The following TMEM272 variants were observed in gnomAD, a reference collection of about 807,000 sequenced individuals.
The protein encoded by TMEM272 is transmembrane protein 272.
TMEM272 carries 8 observed loss-of-function variants against 3.7 expected under a neutral mutation model. The ratio of observed to expected loss-of-function variants is 2.17; its 90% CI spans 1.27 to 3.91. The LOEUF (loss-of-function observed/expected upper bound fraction) is 3.91. Among genes scored for constraint, TMEM272 ranks in the 30% most tolerant of loss-of-function variants. The pLI, the probability that TMEM272 is intolerant of heterozygous loss-of-function variation, is 0.00. For missense variants in TMEM272, 166 were observed against 91.5 expected (o/e 1.81, Z -3.32); for synonymous variants, 63 against 39.8 (o/e 1.58, Z -2.20).
At chr13:51,854,401 GA>G in the TMEM272 span, among the ~76,000 whole-genome samples, 1 of 152,174 alleles carries the variant, frequency 6.6e-6, no homozygotes, top group Non-Finnish European at 1.5e-5. Flanking sequence ...CTGGGTACTT[GA>G]AACCTTTCCT....
chr13:51,869,192 T>C, the TMEM272 span, among the ~76,000 whole-genome samples: 25 of 152,214 alleles, frequency 1.6e-4, no homozygotes, highest in African/African-American at 4.8e-4. Context: ...GAAGAGACTT[T>C]GGCTGTGGTA....
At chr13:51,899,553 GT>G in the TMEM272 span, among the ~76,000 whole-genome samples, 3 of 7,738 alleles carry the variant, frequency 3.9e-4, no homozygotes, top group East Asian at 0.025. Context: ...GAAGACTTAA[GT>G]ATTAAGACGG....
chr13:51,880,454 G>C, the TMEM272 span, among the ~76,000 whole-genome samples: 5 of 150,022 alleles, frequency 3.3e-5, no homozygotes, highest in Non-Finnish European at 7.4e-5. Context: ...AAACCTGATT[G>C]GGAAAACCAA....
upstream of TMEM272, among the ~76,000 whole-genome samples, chr13:51,848,364 A>G (rs1265731641): frequency 6.6e-6 from 1 of 152,182 alleles, no homozygotes; most frequent in Non-Finnish European, 1.5e-5. Context: ...GATAGAGTCC[A>G]CATATGGCAC....
chr13:51,817,303 A>G (rs1439317158), intron 4 of TMEM272, among the ~76,000 whole-genome samples, 190 bp from the exon 5 acceptor site: 1 of 152,246 alleles, frequency 6.6e-6, no homozygotes, highest in East Asian at 1.9e-4. Flanking sequence ...AATTTGAAGA[A>G]TAAGAATTAA....
chr13:51,881,935 G>A, the TMEM272 span, among the ~76,000 whole-genome samples: 6 of 152,246 alleles, frequency 3.9e-5, no homozygotes, highest in East Asian at 9.6e-4. Context: ...GAGGACATGA[G>A]GTGTTGGTAA....
At chr13:51,871,984 A>C in the TMEM272 span, among the ~76,000 whole-genome samples, 1 of 152,152 alleles carries the variant, frequency 6.6e-6, no homozygotes, top group African/African-American at 2.4e-5. Context: ...ATAGGCCTAG[A>C]AGTGCTAATT....
At chr13:51,846,605 C>T (rs987172537), upstream of TMEM272, among the ~76,000 whole-genome samples, 6 of 152,144 alleles carry the variant, frequency 3.9e-5, no homozygotes, top group Non-Finnish European at 7.3e-5. Flanking sequence ...GTAAAAATGC[C>T]TCAGGCAGGT....
the TMEM272 span, among the ~76,000 whole-genome samples, chr13:51,885,501 T>G: frequency 6.6e-6 from 1 of 152,170 alleles, no homozygotes; most frequent in Admixed American, 6.5e-5. Context: ...TGGGGTAAAC[T>G]GCCCCCATGA....
the TMEM272 span, chr13:51,865,685 G>A: frequency 1.2e-6 from 2 of 1,614,074 alleles, no homozygotes; most frequent in Admixed American, 1.7e-5. Context: ...CTTCTGGAAA[G>A]AGGAAAAATC....
chr13:51,871,785 T>TACACACACACACAC, the TMEM272 span, among the ~76,000 whole-genome samples: 7 of 129,680 alleles, frequency 5.4e-5, no homozygotes, highest in East Asian at 4.6e-4. Context: ...AATCTCCCCC[T>TACACACACACACAC]ACACACACAC....
chr13:51,841,469 G>A (rs771721213), intron 1 of TMEM272, among the ~76,000 whole-genome samples: 1 of 152,170 alleles, frequency 6.6e-6, no homozygotes, highest in Admixed American at 6.5e-5. Flanking sequence ...AGAAACTAAC[G>A]AGATGGGTCT....
chr13:51,915,316 A>G, the TMEM272 span, among the ~76,000 whole-genome samples: 4 of 152,366 alleles, frequency 2.6e-5, no homozygotes, highest in Admixed American at 1.3e-4. Flanking sequence ...CATTAGATAC[A>G]GCACTACTAT....
the TMEM272 span, among the ~76,000 whole-genome samples, chr13:51,916,209 C>T: frequency 6.6e-6 from 1 of 152,230 alleles, no homozygotes; most frequent in Non-Finnish European, 1.5e-5. Flanking sequence ...TTGCAAAACA[C>T]ATGACCAAGA....
At chr13:51,880,506 T>G in the TMEM272 span, among the ~76,000 whole-genome samples, 1 of 147,636 alleles carries the variant, frequency 6.8e-6, no homozygotes, top group African/African-American at 2.5e-5. Flanking sequence ...ATTTTTTTTT[T>G]AGTCACACTG....
the TMEM272 span, among the ~76,000 whole-genome samples, chr13:51,902,721 C>T: frequency 1.4e-4 from 21 of 152,210 alleles, no homozygotes; most frequent in African/African-American, 5.1e-4. Context: ...CCTGAGAAAC[C>T]CAAACGGGAA....
At chr13:51,877,973 G>C in the TMEM272 span, among the ~76,000 whole-genome samples, 1 of 152,204 alleles carries the variant, frequency 6.6e-6, no homozygotes, top group Non-Finnish European at 1.5e-5. Context: ...AAATACGTGA[G>C]ACTGGATAAT....
At chr13:51,910,031 A>G in the TMEM272 span, 1 of 1,461,312 alleles carries the variant, frequency 6.8e-7, no homozygotes, top group Non-Finnish European at 9.6e-7. Flanking sequence ...CATTCATTTG[A>G]AATCCCTTGA....
chr13:51,852,618 G>GC, the TMEM272 span, among the ~76,000 whole-genome samples: 2 of 152,210 alleles, frequency 1.3e-5, no homozygotes, highest in Non-Finnish European at 2.9e-5. Flanking sequence ...GGTGGCTCAA[G>GC]CCTGTAATCC....
Sources: allele counts gnomAD v4.1 joint callset (sites outside exome capture counted in the v4.1 genomes callset), GRCh38; gene constraint gnomAD v4.1.1; transcripts MANE v1.5; gene names NCBI Gene and HGNC (gene_info 2026-07-23, HGNC 2026-07-21).